WSCD2: variants seen among roughly 807,000 people sequenced by gnomAD.
WSCD2 encodes sialate:O-sulfotransferase 2.
A neutral mutation model predicts 55.7 loss-of-function variants in WSCD2; 28 were observed. That is an observed-to-expected ratio of 0.50 (90% CI 0.37 to 0.69). The LOEUF (loss-of-function observed/expected upper bound fraction) is 0.69. Among genes scored for constraint, WSCD2 ranks in the 30% least tolerant of loss-of-function variants. The pLI is 0.00. For missense variants in WSCD2, 616 were observed against 762.1 expected (o/e 0.81, Z 2.26); for synonymous variants, 301 against 301.9 (o/e 1.00, Z 0.03).
intron 1 of WSCD2, among the ~76,000 whole-genome samples, chr12:108,161,441 G>A (rs1292727452): frequency 2.0e-5 from 3 of 152,166 alleles, no homozygotes; most frequent in African/African-American, 7.2e-5. Context: ...CTTGAACACA[G>A]GAGAAAGGAC....
intron 1 of WSCD2, among the ~76,000 whole-genome samples, chr12:108,134,565 G>T (rs1875970987): frequency 6.6e-6 from 1 of 152,112 alleles, no homozygotes; most frequent in East Asian, 1.9e-4. Context: ...GCCCCTCACA[G>T]GTATCTCACT....
At chr12:108,169,117 A>G (rs184657193) in intron 1 of WSCD2, among the ~76,000 whole-genome samples, 75 of 152,290 alleles carry the variant, frequency 4.9e-4, no homozygotes, top group African/African-American at 1.8e-3. Context: ...CCTTATGAGA[A>G]TCTAATGCCT....
intron 4 of WSCD2, among the ~76,000 whole-genome samples, chr12:108,222,041 G>A (rs1017213711): frequency 4.6e-5 from 7 of 152,144 alleles, no homozygotes; most frequent in African/African-American, 7.2e-5. Flanking sequence ...GCTATCAGGC[G>A]CCATGTGGTA....
intron 1 of WSCD2, among the ~76,000 whole-genome samples, chr12:108,140,739 ACAGT>A (rs1221067609): frequency 1.3e-5 from 2 of 152,010 alleles, no homozygotes; most frequent in East Asian, 1.9e-4. Context: ...AGCCCCTGCT[ACAGT>A]CCTGAAGCCT....
At chr12:108,173,317 T>G (rs1422781894) in intron 1 of WSCD2, among the ~76,000 whole-genome samples, 1 of 152,170 alleles carries the variant, frequency 6.6e-6, no homozygotes, top group Non-Finnish European at 1.5e-5. Flanking sequence ...GGCTCTTGGC[T>G]GTGAGAAAGG....
chr12:108,204,256 C>T (rs139301228), intron 2 of WSCD2, among the ~76,000 whole-genome samples: 110 of 152,318 alleles, frequency 7.2e-4, no homozygotes, highest in African/African-American at 2.5e-3. Context: ...CACAGACACA[C>T]AACCTGTTGA....
chr12:108,244,995 G>A (rs1262432765), intron 8 of WSCD2, among the ~76,000 whole-genome samples: 1 of 152,128 alleles, frequency 6.6e-6, no homozygotes, highest in African/African-American at 2.4e-5. Context: ...GTCCTCCACT[G>A]AGGTTGATTC....
At chr12:108,137,746 T>C (rs935527010) in intron 1 of WSCD2, among the ~76,000 whole-genome samples, 1 of 152,210 alleles carries the variant, frequency 6.6e-6, no homozygotes, top group African/African-American at 2.4e-5. Context: ...GAATAATTCA[T>C]TGAATACAGT....
Position 108,240,345 on chromosome 12 carries a change from G to A in WSCD2, c.1146G>A (p.Gly382=). Residue 382 remains glycine (G), a splice_region_variant and synonymous_variant, in exon 8 of 9, where the codon GGG becomes GGA. Coordinates refer to ENST00000547525, the MANE Select transcript of WSCD2 (RefSeq NM_014653.4). ...TTCCTCACCTCTGGCTGCGGGAAGG[G>A]TTTAAAGGTGAGCGGGACCACTGGC... ...YYFDGSLYNK[G]FKGERDHWRS... The A allele has an allele frequency of 1.2e-6, 2 of 1,613,980 alleles. No homozygotes were observed. The highest frequency in any genetic ancestry group is 1.7e-6 in the Non-Finnish European group (2 of 1,180,036).
At chr12:108,185,465 C>G (rs1275328821) in intron 1 of WSCD2, among the ~76,000 whole-genome samples, 1 of 152,162 alleles carries the variant, frequency 6.6e-6, no homozygotes, top group Non-Finnish European at 1.5e-5. Flanking sequence ...GATCTCAGCT[C>G]AAATGCCTTC....
At position 108,232,863 on chromosome 12, in the gene WSCD2, G is replaced by GCTA; in HGVS notation, c.1118_1120dup (p.Tyr373dup). ...TTGGCCACAGGCTTCTACACTGGCA[G>GCTA]CTACTACTTCGATGGCTCCCTCTAC... On this transcript the variant is annotated inframe_insertion, in exon 7 of 9. Coordinates refer to ENST00000547525, the MANE Select transcript of WSCD2 (RefSeq NM_014653.4). 1 of 1,613,750 alleles carries GCTA rather than the reference G, an allele frequency of 6.2e-7. No homozygotes were observed. Among genetic ancestry groups the GCTA allele is most frequent in the Non-Finnish European group, 8.5e-7 (1 of 1,179,718 alleles).
intron 1 of WSCD2, among the ~76,000 whole-genome samples, chr12:108,166,761 T>TTTTTCTTTCTTTC (rs1555225181): frequency 4.0e-5 from 5 of 124,820 alleles, no homozygotes; most frequent in East Asian, 2.3e-4. Flanking sequence ...TCTTTCTTTC[T>TTTTTCTTTCTTTC]TTTCTTTCTT....
At chr12:108,208,365 A>G (rs1288623167) in intron 3 of WSCD2, among the ~76,000 whole-genome samples, 1 of 152,228 alleles carries the variant, frequency 6.6e-6, no homozygotes, top group Non-Finnish European at 1.5e-5. Flanking sequence ...CACATTCCAC[A>G]GATGAGGAAA....
chr12:108,169,963 G>T (rs1003943915), intron 1 of WSCD2, among the ~76,000 whole-genome samples: 2 of 152,158 alleles, frequency 1.3e-5, no homozygotes, highest in Admixed American at 6.5e-5. Flanking sequence ...CTTCCCCACA[G>T]GGTGGCCAAG....
At chr12:108,191,616 C>T (rs1276367266) in intron 1 of WSCD2, among the ~76,000 whole-genome samples, 2 of 152,176 alleles carry the variant, frequency 1.3e-5, no homozygotes, top group Admixed American at 1.3e-4. Flanking sequence ...TAGGTGTAAG[C>T]CCTGGGGGGA....
chr12:108,195,481 C>T lies in WSCD2; in HGVS notation c.-352C>T. 4.6e-6 allele frequency: 1 copy of T among 215,386 alleles called. No homozygotes were observed. Among genetic ancestry groups the T allele is most frequent in the South Asian group, 1.3e-4 (1 of 7,760 alleles). 13.3% of individuals were successfully genotyped at this position (215,386 alleles called of 1,614,324 possible). On this transcript the variant is annotated 5_prime_UTR_variant, in exon 2 of 9. Transcript: ENST00000547525. ...GCAGCTGCTGGTAACCCTCAGAAAC[C>T]TTCTCCAAGTGCTATTCTCACAGTT...
intron 1 of WSCD2, among the ~76,000 whole-genome samples, chr12:108,164,316 C>A (rs1241170004): frequency 6.6e-6 from 1 of 151,700 alleles, no homozygotes; most frequent in Non-Finnish European, 1.5e-5. Flanking sequence ...GGTTTCTTTG[C>A]ATTTCTTCCT....
At chr12:108,206,113 T>C (rs1171073235) in intron 2 of WSCD2, among the ~76,000 whole-genome samples, 176 bp from the exon 3 acceptor site, 1 of 152,166 alleles carries the variant, frequency 6.6e-6, no homozygotes, top group Non-Finnish European at 1.5e-5. Flanking sequence ...GCTGCCCTGA[T>C]TAGACCAGGT....
At chr12:108,204,847 C>G (rs911018342) in intron 2 of WSCD2, among the ~76,000 whole-genome samples, 4 of 152,244 alleles carry the variant, frequency 2.6e-5, no homozygotes, top group African/African-American at 9.6e-5. Flanking sequence ...CTGCTAGATC[C>G]TGCTCTCCCC....
Sources: allele counts gnomAD v4.1 joint callset (sites outside exome capture counted in the v4.1 genomes callset), GRCh38; gene constraint gnomAD v4.1.1; transcripts MANE v1.5; gene names NCBI Gene and HGNC (gene_info 2026-07-23, HGNC 2026-07-21).